CAST: variants seen among roughly 807,000 people sequenced by gnomAD.
The protein encoded by CAST is MIR583 host.
CAST carries 76 observed loss-of-function variants against 119.6 expected under a neutral mutation model. The ratio of observed to expected loss-of-function variants is 0.64; its 90% CI spans 0.53 to 0.77. The LOEUF is 0.77. Ranked by LOEUF, CAST falls within the 30% of genes least tolerant of loss-of-function variation. The pLI is 0.00. For synonymous variants in CAST, 319 were observed against 331.6 expected (o/e 0.96, Z 0.41); for missense variants, 953 against 946.5 (o/e 1.01, Z -0.09).
At chr5:95,990,425 A>C in the CAST span, among the ~76,000 whole-genome samples, 1 of 152,072 alleles carries the variant, frequency 6.6e-6, no homozygotes, top group African/African-American at 2.4e-5. Context: ...TGGATCAAAA[A>C]TTCAATAATA....
chr5:96,417,546 A>G, the CAST span, among the ~76,000 whole-genome samples: 1 of 151,888 alleles, frequency 6.6e-6, no homozygotes, highest in Non-Finnish European at 1.5e-5. Flanking sequence ...TGTGAGTCAT[A>G]TGGGTCTTGC....
the CAST span, among the ~76,000 whole-genome samples, chr5:96,431,381 C>T: frequency 2.0e-5 from 3 of 152,208 alleles, no homozygotes; most frequent in South Asian, 2.1e-4. Context: ...TCATTCACCC[C>T]TCCCGAATTC....
At position 96,765,060 on chromosome 5, in the gene CAST, G is replaced by C. The variant is rs26501; in HGVS notation, c.1933-161G>C. On this transcript the variant is annotated intron_variant, in intron 25 of 31. Transcript: ENST00000675179. ...TCTTCTCCTGATCTTCCATTCCTAG[G>C]CTTCTCTTCTCTGACCCTGTCTACT... 0.42 allele frequency among the ~76,000 whole-genome samples: 63,796 copies of C among 151,636 alleles called. 13,755 individuals are homozygous for C. The highest frequency in any genetic ancestry group is 0.47 in the South Asian group (2,255 of 4,808).
chr5:96,229,025 G>A, the CAST span, among the ~76,000 whole-genome samples: 2 of 151,790 alleles, frequency 1.3e-5, no homozygotes, highest in African/African-American at 4.8e-5. Context: ...ACGATTTTAT[G>A]TGACCATAGA....
chr5:96,438,080 A>C, the CAST span, among the ~76,000 whole-genome samples: 1 of 152,112 alleles, frequency 6.6e-6, no homozygotes, highest in Non-Finnish European at 1.5e-5. Flanking sequence ...AAACATCCCC[A>C]ACCTTTTTAA....
At chr5:96,410,946 C>G in the CAST span, 1 of 1,613,992 alleles carries the variant, frequency 6.2e-7, no homozygotes, top group Non-Finnish European at 8.5e-7. Context: ...CCCCCCGTTT[C>G]CCGAAGCCCA....
chr5:96,290,811 T>C, the CAST span, among the ~76,000 whole-genome samples: 1 of 152,226 alleles, frequency 6.6e-6, no homozygotes, highest in African/African-American at 2.4e-5. Flanking sequence ...AGCCAGCCTC[T>C]GAGATGGCAC....
the CAST span, among the ~76,000 whole-genome samples, chr5:96,507,990 CATT>C: frequency 0.2 from 28,965 of 141,936 alleles, 3,122 homozygotes; most frequent in Admixed American, 0.29. Context: ...ATATCCCTGA[CATT>C]ATTATTATTA....
chr5:96,187,156 T>C, the CAST span, among the ~76,000 whole-genome samples: 1 of 152,228 alleles, frequency 6.6e-6, no homozygotes, highest in Non-Finnish European at 1.5e-5. Flanking sequence ...TATAGTATTC[T>C]CTAATAGTTG....
At chr5:96,353,481 G>T in the CAST span, among the ~76,000 whole-genome samples, 586 of 152,256 alleles carry the variant, frequency 3.8e-3, 3 homozygotes, top group Middle Eastern at 0.01. Flanking sequence ...CATTGTTTCT[G>T]GGTGTGCACA....
At chr5:96,364,326 T>G in the CAST span, among the ~76,000 whole-genome samples, 2 of 152,216 alleles carry the variant, frequency 1.3e-5, no homozygotes, top group Non-Finnish European at 2.9e-5. Flanking sequence ...GGCTTTGGTA[T>G]CAGGATGATG....
chr5:96,771,835 T>G, intron 31 of CAST, 133 bp downstream of exon 31: 1 of 542,252 alleles, frequency 1.8e-6, no homozygotes, highest in South Asian at 3.0e-5. Flanking sequence ...AAATGCATAC[T>G]GCAAGATCTA....
the CAST span, among the ~76,000 whole-genome samples, chr5:96,175,226 A>C: frequency 5.3e-5 from 8 of 152,246 alleles, no homozygotes; most frequent in African/African-American, 1.7e-4. Context: ...CATTGGACAG[A>C]ACTCATCAGT....
chr5:96,594,034 G>C (rs1396584913), intron 1 of CAST, among the ~76,000 whole-genome samples: 1 of 152,220 alleles, frequency 6.6e-6, no homozygotes, highest in Non-Finnish European at 1.5e-5. Flanking sequence ...CAATGCAGGA[G>C]AGTTCAGCAA....
At chr5:96,403,907 C>A in the CAST span, among the ~76,000 whole-genome samples, 35 of 152,220 alleles carry the variant, frequency 2.3e-4, no homozygotes, top group African/African-American at 7.7e-4. Context: ...TTAATAAGAC[C>A]AGAAGTTTGG....
At chr5:96,166,541 A>G in the CAST span, among the ~76,000 whole-genome samples, 2 of 152,208 alleles carry the variant, frequency 1.3e-5, no homozygotes, top group African/African-American at 4.8e-5. Flanking sequence ...TAACTGATTT[A>G]AGTGCTCCAG....
At chr5:96,610,547 C>T (rs948675024) in intron 1 of CAST, among the ~76,000 whole-genome samples, 4 of 152,134 alleles carry the variant, frequency 2.6e-5, no homozygotes, top group African/African-American at 7.2e-5. Context: ...CTTCAGCAGA[C>T]CCACAATGAA....
intron 31 of CAST, 31 bp downstream of exon 31, chr5:96,771,733 C>T: frequency 5.1e-6 from 7 of 1,376,178 alleles, no homozygotes; most frequent in East Asian, 2.3e-5. Context: ...TAAATGAAGA[C>T]AACTGTATCT....
the CAST span, among the ~76,000 whole-genome samples, chr5:96,484,983 G>A: frequency 1.3e-5 from 2 of 152,176 alleles, no homozygotes; most frequent in East Asian, 3.8e-4. Context: ...GGAAGGCAAA[G>A]ATTGAAGTAA....
Sources: allele counts gnomAD v4.1 joint callset (sites outside exome capture counted in the v4.1 genomes callset), GRCh38; gene constraint gnomAD v4.1.1; transcripts MANE v1.5; gene names NCBI Gene and HGNC (gene_info 2026-07-23, HGNC 2026-07-21).